Variants in CEP164 observed in about 807,000 individuals in gnomAD.
CEP164 encodes centrosomal protein 164.
In CEP164, 162 loss-of-function variants were observed where a neutral mutation model predicts 182.7. That is an observed-to-expected ratio of 0.89 (90% CI 0.78 to 1.01). The LOEUF is 1.01. CEP164 is among the 50% of genes least tolerant of loss of function. The probability of loss-of-function intolerance (pLI) is 0.00; values close to 1 mark genes in which losing one functional copy is unlikely to be tolerated. For missense variants in CEP164, 1,735 were observed against 1,790.4 expected, an observed-to-expected ratio of 0.97 and a Z score of 0.56; for synonymous variants, 661 against 690.0, an observed-to-expected ratio of 0.96 and a Z score of 0.66.
intron 1 of CEP164, chr11:117,328,213 G>A (rs1342779824): frequency 2.6e-5 from 4 of 152,348 alleles, no homozygotes; most frequent in Non-Finnish European, 4.4e-5. Flanking sequence ...TGGCGGGTGA[G>A]TGAGCAGCGG....
chr11:117,330,859 C>T (rs2036091584), intron 1 of CEP164, among the ~76,000 whole-genome samples: 1 of 152,172 alleles, frequency 6.6e-6, no homozygotes, highest in African/African-American at 2.4e-5. Context: ...CCTCACAACA[C>T]ATTGTGATGG....
At chr11:117,330,362 G>A (rs979647305) in intron 1 of CEP164, among the ~76,000 whole-genome samples, 9 of 152,292 alleles carry the variant, frequency 5.9e-5, no homozygotes, top group African/African-American at 2.2e-4. Flanking sequence ...TGGGTGTTCA[G>A]TAAGTGATTA....
chr11:117,329,505 A>G (rs1199247382), intron 1 of CEP164, among the ~76,000 whole-genome samples: 2 of 152,030 alleles, frequency 1.3e-5, no homozygotes, highest in Non-Finnish European at 2.9e-5. Flanking sequence ...ATTCTGCTCT[A>G]CCGTTTATTA....
In CEP164 at chr11:117,396,586, A is replaced by G; in HGVS notation, c.3253A>G (p.Ser1085Gly). The G allele has an allele frequency of 1.2e-6, 2 of 1,613,802 alleles. No homozygotes were observed. The highest frequency in any genetic ancestry group is 1.1e-5 in the South Asian group (1 of 91,070). Residue 1085 changes from serine (S) to glycine (G), a missense_variant, in exon 26 of 33, where the codon AGC (serine) becomes GGC (glycine). Coordinates refer to ENST00000278935, the MANE Select transcript of CEP164 (RefSeq NM_014956.5). ...AGAGGTGTCTTCTTCTCTCTCCCAG[A>G]GCAAGGAGGACTTATACTTGGACAG... ...TKEVSSSLSQ[S>G]KEDLYLDSLS...
In CEP164 at chr11:117,407,220, G is replaced by C. The variant is rs185237083; in HGVS notation, c.3502-705G>C. Reference sequence around the variant, plus strand: ...GCAAGGGGCTGGAACAGACAGAGGGGCAGCTTCCCAGGGTTATATACATGC... The same window carrying C: ...GCAAGGGGCTGGAACAGACAGAGGGCCAGCTTCCCAGGGTTATATACATGC... On this transcript the variant is annotated intron_variant, in intron 27 of 32. Coordinates refer to ENST00000278935, the MANE Select transcript of CEP164 (RefSeq NM_014956.5). Among the ~76,000 whole-genome samples, 1,100 of 152,244 alleles carry C rather than the reference G, an allele frequency of 7.2e-3. 15 individuals carry two copies. Among genetic ancestry groups the C allele is most frequent in the African/African-American group, 0.025 (1,045 of 41,544 alleles).
At chr11:117,382,558 A>G (rs1318077978) in intron 13 of CEP164, among the ~76,000 whole-genome samples, 1 of 152,130 alleles carries the variant, frequency 6.6e-6, no homozygotes, top group Non-Finnish European at 1.5e-5. Context: ...CTGTGTACGG[A>G]GCTCCTGGGG....
chr11:117,351,976 CA>C lies in CEP164; in HGVS notation c.385del (p.Ser129ValfsTer9), dbSNP rs1217449406. 1 of 1,578,506 alleles carries C rather than the reference CA, an allele frequency of 6.3e-7. No individual in the cohort carries two copies. The highest frequency in any genetic ancestry group is 8.6e-7 in the Non-Finnish European group (1 of 1,161,794). ...KKDKKDRDPP[K>X]SSLALGSSLA... ...AAGACAAGAAGGACAGAGACCCCCC[CA>C]AAAGTTCGCTGGTGAGTCAGTGGAT... On this transcript the variant is annotated frameshift_variant, in exon 5 of 33. Transcript: ENST00000278935. LOFTEE classifies it high-confidence loss of function.
intron 1 of CEP164, among the ~76,000 whole-genome samples, chr11:117,332,341 G>A (rs1387637989): frequency 2.0e-5 from 3 of 152,098 alleles, no homozygotes; most frequent in African/African-American, 7.2e-5. Flanking sequence ...TTGGGAGGCC[G>A]AGGCGGGTGG....
chr11:117,383,897 G>A (rs771574676), intron 14 of CEP164, among the ~76,000 whole-genome samples: 29 of 152,176 alleles, frequency 1.9e-4, no homozygotes, highest in Admixed American at 1.0e-3. Flanking sequence ...TTAGCTGGGC[G>A]TGGTGGCAGG....
At chr11:117,396,249 A>T in intron 25 of CEP164, 69 bp downstream of exon 25, 1 of 1,536,928 alleles carries the variant, frequency 6.5e-7, no homozygotes, top group African/African-American at 1.4e-5. Flanking sequence ...GGGGCTGGGC[A>T]TCAGGGGAGT....
Position 117,356,661 on chromosome 11 carries a change from G to C in CEP164, c.393+4673G>C, listed in dbSNP as rs539083592. 16 of 1,233,844 alleles carry C rather than the reference G, an allele frequency of 1.3e-5. No individual in the cohort carries two copies. In the Admixed American group the frequency reaches 3.8e-4, roughly 30 times the overall value. 76.4% of individuals were successfully genotyped at this position (1,233,844 alleles called of 1,614,324 possible). On this transcript the variant is annotated intron_variant, in intron 5 of 32. Coordinates refer to ENST00000278935, the MANE Select transcript of CEP164 (RefSeq NM_014956.5). Reference sequence around the variant, plus strand: ...ATGGCCTAAAGGCCTAAACTTGGCAGGGAGGGAGCAGGTGGAGTTGATGTC... The same window carrying C: ...ATGGCCTAAAGGCCTAAACTTGGCACGGAGGGAGCAGGTGGAGTTGATGTC...
intron 3 of CEP164, among the ~76,000 whole-genome samples, chr11:117,341,213 T>A (rs2038060532): frequency 6.6e-6 from 1 of 152,204 alleles, no homozygotes; most frequent in Non-Finnish European, 1.5e-5. Context: ...TTATAAAAAC[T>A]TTCTTCGGCC....
At chr11:117,385,121 G>A (rs117498846) in intron 14 of CEP164, 2,445 of 152,310 alleles carry the variant, frequency 0.016, 25 homozygotes, top group Middle Eastern at 0.027. Flanking sequence ...CCCGCCCTCC[G>A]CTCTCTTTCT....
At chr11:117,339,167 T>C (rs1283279659) in intron 3 of CEP164, among the ~76,000 whole-genome samples, 1 of 152,098 alleles carries the variant, frequency 6.6e-6, no homozygotes, top group Non-Finnish European at 1.5e-5. Context: ...GCCACAATGG[T>C]TTATGTATTG....
intron 2 of CEP164, among the ~76,000 whole-genome samples, chr11:117,336,052 C>T (rs1379857636): frequency 6.6e-6 from 1 of 151,894 alleles, no homozygotes; most frequent in Non-Finnish European, 1.5e-5. Context: ...TTTCCCTATC[C>T]ATTCAGGGCT....
intron 30 of CEP164, 181 bp from the exon 31 acceptor site, chr11:117,410,647 T>C (rs2047248755): frequency 1.9e-6 from 1 of 524,222 alleles, no homozygotes; most frequent in Non-Finnish European, 3.4e-6. Flanking sequence ...CTAACCCAAA[T>C]TGAAAAGTAG....
chr11:117,392,283 T>C lies in CEP164; in HGVS notation c.2341T>C (p.Leu781=), dbSNP rs1351401285. The C allele has an allele frequency of 3.1e-6, 5 of 1,611,520 alleles. No individual in the cohort carries two copies. In the South Asian group the frequency reaches 4.4e-5, roughly 14 times the overall value. The change falls in exon 18 of 33, where the codon TTG becomes CTG. Residue 781 remains leucine, a synonymous_variant. Coordinates refer to ENST00000278935, the MANE Select transcript of CEP164 (RefSeq NM_014956.5). The part of the protein sequence containing the change: ...SAELERLCSS[L]EAKHREVVSS... The stretch of plus-strand genomic sequence containing the variant: ...TGAGCTGGAGCGGCTCTGCTCCTCA[T>C]TGGAGGCCAAGCACCGGGAGGTAAG...
chr11:117,341,376 C>A (rs1038445025), intron 3 of CEP164, among the ~76,000 whole-genome samples: 1 of 152,086 alleles, frequency 6.6e-6, no homozygotes, highest in South Asian at 2.1e-4. Context: ...CAACATAACA[C>A]CCTTGATGGG....
intron 11 of CEP164, 90 bp from the exon 12 acceptor site, chr11:117,380,524 C>A: frequency 3.8e-6 from 4 of 1,046,188 alleles, no homozygotes; most frequent in East Asian, 2.6e-5. Context: ...CTTCTCAGTG[C>A]TTTCGTCTAA....
Sources: allele counts gnomAD v4.1 joint callset (sites outside exome capture counted in the v4.1 genomes callset), GRCh38; gene constraint gnomAD v4.1.1; transcripts MANE v1.5; gene names NCBI Gene and HGNC (gene_info 2026-07-23, HGNC 2026-07-21).